BNC2: variants seen among roughly 807,000 people sequenced by gnomAD.
BNC2 encodes zinc finger protein basonuclin-2.
Under a neutral mutation model 76.3 loss-of-function variants are expected in BNC2, and 20 were observed. That is an observed-to-expected ratio of 0.26 (90% CI 0.18 to 0.38). The LOEUF is 0.38. Among genes scored for constraint, BNC2 ranks in the 10% least tolerant of loss-of-function variants. The pLI, the probability that BNC2 is intolerant of heterozygous loss-of-function variation, is 1.00. For missense variants in BNC2, 1,382 were observed against 1,399.8 expected (o/e 0.99, Z 0.20); for synonymous variants, 582 against 514.8 (o/e 1.13, Z -1.77).
chr9:16,744,009 C>CA (rs1292561562), intron 1 of BNC2, among the ~76,000 whole-genome samples: 25 of 152,192 alleles, frequency 1.6e-4, no homozygotes, highest in Non-Finnish European at 3.2e-4. Context: ...CTCTGTCACC[C>CA]AGGCTGGAGT....
intron 1 of BNC2, among the ~76,000 whole-genome samples, chr9:16,780,145 A>T (rs556552534): frequency 6.9e-6 from 1 of 145,334 alleles, no homozygotes; most frequent in Admixed American, 6.9e-5. Context: ...CTGAGGTAGG[A>T]GAATGGCGCG....
At chr9:16,710,252 G>T (rs1019659483) in intron 3 of BNC2, among the ~76,000 whole-genome samples, 2 of 152,162 alleles carry the variant, frequency 1.3e-5, no homozygotes, top group African/African-American at 4.8e-5. Context: ...ACACCTTACA[G>T]AGATACTCAA....
At chr9:16,554,567 A>G (rs909640834) in intron 4 of BNC2, among the ~76,000 whole-genome samples, 1 of 152,224 alleles carries the variant, frequency 6.6e-6, no homozygotes, top group African/African-American at 2.4e-5. Context: ...TTTGGGAAAG[A>G]TAAGGGCTTC....
chr9:16,756,944 T>A (rs1825401356), intron 1 of BNC2, among the ~76,000 whole-genome samples: 1 of 144,764 alleles, frequency 6.9e-6, no homozygotes, highest in African/African-American at 2.6e-5. Context: ...TGAGCCAAGA[T>A]CACACCAATG....
chr9:16,853,059 T>TA (rs1819164981), intron 1 of BNC2, among the ~76,000 whole-genome samples: 1 of 152,174 alleles, frequency 6.6e-6, no homozygotes, highest in Non-Finnish European at 1.5e-5. Context: ...AACCTGTGGA[T>TA]AGTCTTCTAG....
chr9:16,772,557 G>A (rs1287081812), intron 1 of BNC2, among the ~76,000 whole-genome samples: 1 of 152,016 alleles, frequency 6.6e-6, no homozygotes, highest in East Asian at 1.9e-4. Flanking sequence ...ACTATATGAA[G>A]TTGGCTAAAA....
At chr9:16,821,673 C>T (rs556511146) in intron 1 of BNC2, among the ~76,000 whole-genome samples, 15 of 152,138 alleles carry the variant, frequency 9.9e-5, no homozygotes, top group African/African-American at 2.9e-4. Context: ...CCCAGCAGGG[C>T]GTGGTGGCTC....
chr9:16,849,352 A>ATTTTTTTTTTTTTTTTTTTTTTTT (rs35561834), intron 1 of BNC2, among the ~76,000 whole-genome samples: 1 of 90,084 alleles, frequency 1.1e-5, no homozygotes, highest in Non-Finnish European at 2.0e-5. Flanking sequence ...CATGCAAAAG[A>ATTTTTTTTTTTTTTTTTTTTTTTT]TTTTTTTTTT....
chr9:16,431,346 T>C, intron 6 of BNC2: 3 of 381,890 alleles, frequency 7.9e-6, no homozygotes, highest in South Asian at 3.9e-5. Context: ...ACTCAGCTCC[T>C]GGGGATCAAA....
At chr9:16,671,985 T>C (rs1488151045) in intron 3 of BNC2, among the ~76,000 whole-genome samples, 1 of 152,216 alleles carries the variant, frequency 6.6e-6, no homozygotes, top group Admixed American at 6.5e-5. Flanking sequence ...TTAAGCAAAC[T>C]CTGAACAAAT....
chr9:16,506,059 G>A (rs1009555488), intron 5 of BNC2, among the ~76,000 whole-genome samples: 6 of 152,118 alleles, frequency 3.9e-5, no homozygotes, highest in African/African-American at 1.2e-4. Flanking sequence ...GCCAGTTGAC[G>A]AAACTGGCAC....
intron 1 of BNC2, among the ~76,000 whole-genome samples, chr9:16,861,749 G>A (rs60081794): frequency 0.021 from 3,261 of 152,290 alleles, 123 homozygotes; most frequent in African/African-American, 0.074. Flanking sequence ...CAACACTTTG[G>A]GAGGCCGAGG....
intron 3 of BNC2, among the ~76,000 whole-genome samples, chr9:16,660,503 G>C (rs113033694): frequency 2.6e-5 from 4 of 151,580 alleles, no homozygotes; most frequent in African/African-American, 9.7e-5. Context: ...CCTTGTTTAT[G>C]TGTGCACCTC....
At chr9:16,665,125 T>C (rs376381640) in intron 3 of BNC2, 31 of 454,206 alleles carry the variant, frequency 6.8e-5, no homozygotes, top group African/African-American at 5.8e-4. Context: ...TCCCAGCACT[T>C]TGGAAGTCCA....
At chr9:16,785,150 C>T (rs546105761) in intron 1 of BNC2, among the ~76,000 whole-genome samples, 4 of 152,276 alleles carry the variant, frequency 2.6e-5, no homozygotes, top group African/African-American at 9.6e-5. Flanking sequence ...GTGCTGAACC[C>T]AACTACCCAC....
chr9:16,429,049 G>A (rs987358720), intron 6 of BNC2, among the ~76,000 whole-genome samples: 1 of 152,050 alleles, frequency 6.6e-6, no homozygotes, highest in African/African-American at 2.4e-5. Flanking sequence ...TTATGACATT[G>A]CAATTTTTTG....
intron 1 of BNC2, among the ~76,000 whole-genome samples, chr9:16,756,232 T>A (rs1374839259): frequency 2.0e-5 from 3 of 152,220 alleles, no homozygotes; most frequent in Non-Finnish European, 4.4e-5. Context: ...GCCTACTCAA[T>A]AATAAATTAT....
chr9:16,746,167 C>T (rs1824996163), intron 1 of BNC2, among the ~76,000 whole-genome samples: 1 of 152,142 alleles, frequency 6.6e-6, no homozygotes, highest in South Asian at 2.1e-4. Context: ...CACCGGAGCT[C>T]AAAGCAGTCA....
At chr9:16,460,296 G>C (rs919544588) in intron 5 of BNC2, among the ~76,000 whole-genome samples, 3 of 151,624 alleles carry the variant, frequency 2.0e-5, no homozygotes, top group Non-Finnish European at 4.4e-5. Context: ...GAAATAAGTG[G>C]AGGTAAAACG....
Sources: allele counts gnomAD v4.1 joint callset (sites outside exome capture counted in the v4.1 genomes callset), GRCh38; gene constraint gnomAD v4.1.1; transcripts MANE v1.5; gene names NCBI Gene and HGNC (gene_info 2026-07-23, HGNC 2026-07-21).